DYNC1I1: variants seen among roughly 807,000 people sequenced by gnomAD.
The protein encoded by DYNC1I1 is dynein cytoplasmic 1 intermediate chain 1.
DYNC1I1 carries 43 observed loss-of-function variants against 86.6 expected under a neutral mutation model. That is an observed-to-expected ratio of 0.50 (90% CI 0.39 to 0.64). The LOEUF is 0.64. DYNC1I1 is among the 30% of genes least tolerant of loss of function. The probability of loss-of-function intolerance (pLI) is 0.00; values close to 1 mark genes in which losing one functional copy is unlikely to be tolerated. For synonymous variants in DYNC1I1, 262 were observed against 283.7 expected (o/e 0.92, Z 0.77); for missense variants, 604 against 788.8 (o/e 0.77, Z 2.81).
At chr7:96,051,015 AT>A (rs1427841228) in intron 14 of DYNC1I1, among the ~76,000 whole-genome samples, 1 of 152,172 alleles carries the variant, frequency 6.6e-6, no homozygotes, top group African/African-American at 2.4e-5. Flanking sequence ...ATGCTCAGAA[AT>A]AAAGTATGTA....
In DYNC1I1 at chr7:96,039,259, T is replaced by C. The variant is rs1171403124; in HGVS notation, c.1365-18T>C. On this transcript the variant is annotated intron_variant, in intron 13 of 16. Coordinates refer to ENST00000447467, the MANE Select transcript of DYNC1I1 (RefSeq NM_001135556.2). ...TCAGAGGTCACTGGAATTCTGCTCA[T>C]GTGTGCTCTTCCTACAGCAAAGCAG... 4 of 1,608,794 alleles carry C rather than the reference T, an allele frequency of 2.5e-6. No individual in the cohort carries two copies. The highest frequency in any genetic ancestry group is 3.4e-6 in the Non-Finnish European group (4 of 1,177,398).
intron 6 of DYNC1I1, among the ~76,000 whole-genome samples, chr7:95,974,845 C>A (rs1793262715): frequency 1.3e-5 from 2 of 152,170 alleles, no homozygotes; most frequent in South Asian, 4.1e-4. Context: ...CATGTTGAGG[C>A]CATGCAAGTC....
chr7:95,922,673 A>G (rs1452066910), intron 6 of DYNC1I1, among the ~76,000 whole-genome samples: 1 of 152,052 alleles, frequency 6.6e-6, no homozygotes, highest in African/African-American at 2.4e-5. Flanking sequence ...CAGCACAAAC[A>G]CGTTCCCTCT....
chr7:95,953,592 AGAATAATCTTCATT>A (rs2116486028), intron 6 of DYNC1I1, among the ~76,000 whole-genome samples: 1 of 152,366 alleles, frequency 6.6e-6, no homozygotes, highest in African/African-American at 2.4e-5. Flanking sequence ...ATAGATATCT[AGAATAATCTTCATT>A]GTGGACTGAA....
chr7:95,783,488 T>A (rs765223086), intron 1 of DYNC1I1, among the ~76,000 whole-genome samples: 8 of 152,194 alleles, frequency 5.3e-5, no homozygotes, highest in Non-Finnish European at 1.2e-4. Flanking sequence ...ATTTATTACC[T>A]ACAATGTGGT....
chr7:95,986,024 G>GTGTA (rs1554426362), intron 8 of DYNC1I1, among the ~76,000 whole-genome samples: 1 of 10,870 alleles, frequency 9.2e-5, no homozygotes, highest in African/African-American at 5.1e-4. Flanking sequence ...CTGGCAGGAC[G>GTGTA]TGTGTGTGTG....
intron 14 of DYNC1I1, among the ~76,000 whole-genome samples, chr7:96,049,382 T>A (rs986451528): frequency 6.6e-6 from 1 of 151,258 alleles, no homozygotes; most frequent in Non-Finnish European, 1.5e-5. Flanking sequence ...GGAAATGGAG[T>A]TTTTTGGCCT....
intron 15 of DYNC1I1, among the ~76,000 whole-genome samples, chr7:96,078,021 A>G (rs977337963): frequency 1.3e-5 from 2 of 152,222 alleles, no homozygotes; most frequent in African/African-American, 4.8e-5. Flanking sequence ...GCTCAAATCC[A>G]GTAATGAACC....
At chr7:95,799,051 T>G (rs1025236280) in intron 1 of DYNC1I1, among the ~76,000 whole-genome samples, 1 of 152,186 alleles carries the variant, frequency 6.6e-6, no homozygotes, top group African/African-American at 2.4e-5. Flanking sequence ...CTTTCTCTCA[T>G]GTTTTCCTGC....
intron 5 of DYNC1I1, among the ~76,000 whole-genome samples, chr7:95,863,895 T>C (rs953554833): frequency 1.3e-5 from 2 of 152,130 alleles, no homozygotes; most frequent in Non-Finnish European, 2.9e-5. Context: ...TTCATAGTAC[T>C]AAAAATAGTA....
At chr7:96,077,528 G>T (rs1790381374) in intron 15 of DYNC1I1, among the ~76,000 whole-genome samples, 1 of 152,076 alleles carries the variant, frequency 6.6e-6, no homozygotes, top group Non-Finnish European at 1.5e-5. Context: ...TAACATTATT[G>T]TTTTTAATAG....
intron 10 of DYNC1I1, among the ~76,000 whole-genome samples, chr7:95,999,488 G>C (rs368000619): frequency 3.3e-5 from 5 of 152,116 alleles, no homozygotes; most frequent in Admixed American, 1.3e-4. Flanking sequence ...AGCTAACCTC[G>C]TTTGTGTCAG....
intron 6 of DYNC1I1, among the ~76,000 whole-genome samples, chr7:95,916,525 AGTT>A (rs1313703821): frequency 6.6e-6 from 1 of 152,168 alleles, no homozygotes; most frequent in African/African-American, 2.4e-5. Context: ...ATTAGATCTG[AGTT>A]GTTCTCCATT....
intron 14 of DYNC1I1, among the ~76,000 whole-genome samples, chr7:96,051,161 T>C (rs1036307169): frequency 6.6e-6 from 1 of 152,180 alleles, no homozygotes; most frequent in South Asian, 2.1e-4. Context: ...TTTTTATTAA[T>C]GCATCCAGTT....
chr7:95,972,113 C>T (rs1227788917), intron 6 of DYNC1I1, among the ~76,000 whole-genome samples: 1 of 152,078 alleles, frequency 6.6e-6, no homozygotes, highest in Non-Finnish European at 1.5e-5. Context: ...CGCCTTGTGT[C>T]GTTGAGGGTT....
At chr7:95,990,451 A>C (rs1793702948) in intron 9 of DYNC1I1, among the ~76,000 whole-genome samples, 2 of 152,304 alleles carry the variant, frequency 1.3e-5, no homozygotes, top group South Asian at 4.2e-4. Flanking sequence ...CACCAGTGCC[A>C]ATCCACGAAC....
At chr7:95,902,866 A>T (rs1018939874) in intron 6 of DYNC1I1, among the ~76,000 whole-genome samples, 5 of 152,090 alleles carry the variant, frequency 3.3e-5, no homozygotes, top group African/African-American at 1.2e-4. Flanking sequence ...GGCCCAGCTT[A>T]TTTCAGTTTA....
chr7:95,894,387 C>T (rs189098631), intron 6 of DYNC1I1, among the ~76,000 whole-genome samples: 2 of 151,830 alleles, frequency 1.3e-5, no homozygotes, highest in Admixed American at 1.3e-4. Context: ...GAGTACCAAT[C>T]CCCAGTTATC....
Position 95,995,957 on chromosome 7 carries a change from C to T in DYNC1I1, c.853C>T (p.Leu285=), listed in dbSNP as rs761851293. The change falls in exon 10 of 17, where the codon CTG becomes TTG. Residue 285 remains leucine, a synonymous_variant. Transcript: ENST00000447467. ...CMDWSLQYPE[L]MVASYNNNED... ...GACCTCTTCCATTTAGTACCCTGAG[C>T]TGATGGTGGCTTCTTACAACAACAA... The T allele has an allele frequency of 1.2e-6, 2 of 1,603,212 alleles. No homozygotes were observed. Among genetic ancestry groups the T allele is most frequent in the East Asian group, 2.2e-5 (1 of 44,866 alleles).
Sources: gnomAD v4.1 joint callset for allele counts (sites outside exome capture counted in the v4.1 genomes callset) on GRCh38, gnomAD v4.1.1 for gene constraint, MANE v1.5 for transcripts, NCBI Gene and HGNC (gene_info 2026-07-23, HGNC 2026-07-21) for gene names.